The following ALDH3B2 variants were observed in gnomAD, a reference collection of about 807,000 sequenced individuals.
The protein encoded by ALDH3B2 is aldehyde dehydrogenase 3 family member B2.
A neutral mutation model predicts 36.7 loss-of-function variants in ALDH3B2; 45 were observed. That is an observed-to-expected ratio of 1.23 (90% CI 0.97 to 1.57). The LOEUF (loss-of-function observed/expected upper bound fraction) is 1.57, where lower values mean the gene tolerates loss of function less well. Among genes scored for constraint, ALDH3B2 ranks in the 40% most tolerant of loss-of-function variants. The pLI is 0.00. For missense variants in ALDH3B2, 464 were observed against 513.3 expected (o/e 0.90, Z 0.93); for synonymous variants, 217 against 226.5 (o/e 0.96, Z 0.38).
In ALDH3B2 at chr11:67,666,215, A is replaced by C; in HGVS notation, c.238-12T>G. 3 of 1,599,794 alleles carry C rather than the reference A, an allele frequency of 1.9e-6. No individual in the cohort carries two copies. Among genetic ancestry groups the C allele is most frequent in the Non-Finnish European group, 2.6e-6 (3 of 1,175,924 alleles). Reference sequence around the variant, plus strand: ...ACGGCAAAGCAGCTCTGCAAGGTGGAATGAGAGGCTCGGGGCGGGCTCGGG... The same window carrying C: ...ACGGCAAAGCAGCTCTGCAAGGTGGCATGAGAGGCTCGGGGCGGGCTCGGG... On this transcript the variant is annotated splice_polypyrimidine_tract_variant and intron_variant, in intron 5 of 9. Transcript: ENST00000349015.
chr11:67,665,273 A>T lies in ALDH3B2; in HGVS notation c.706+12T>A. 1 of 1,593,266 alleles carries T rather than the reference A, an allele frequency of 6.3e-7. No homozygotes were observed. The highest frequency in any genetic ancestry group is 8.6e-7 in the Non-Finnish European group (1 of 1,168,714). On this transcript the variant is annotated intron_variant, in intron 7 of 9. Coordinates refer to ENST00000349015, the Ensembl canonical transcript of ALDH3B2. ...TGGCCCAGGTGGGCTGCGGTAGGGC[A>T]GCAGGACTCACCGATGTAGCGATCG... is the stretch of plus-strand genomic sequence containing the variant.
chr11:67,674,079 A>T (rs966475984), intron 1 of ALDH3B2, among the ~76,000 whole-genome samples: 13 of 152,066 alleles, frequency 8.5e-5, no homozygotes, highest in African/African-American at 2.9e-4. Flanking sequence ...GGTGCCCCCG[A>T]CCCAATCCTT....
At position 67,668,257 on chromosome 11, in the gene ALDH3B2, GGA is replaced by G. The variant is rs376070345; in HGVS notation, c.-244-624_-244-623del. On this transcript the variant is annotated intron_variant, in intron 1 of 9. Transcript: ENST00000349015. ...GGTCGTAGAAGGAAGCAGAAGCAGA[GGA>G]GAGAGCTCCGGGGCTGGTATGGGTG... Among the ~76,000 whole-genome samples, 1,050 of 152,318 alleles carry G rather than the reference GGA, an allele frequency of 6.9e-3. 11 individuals are homozygous for G. The highest frequency in any genetic ancestry group is 0.024 in the African/African-American group (982 of 41,556).
chr11:67,670,487 G>A (rs1394803310), intron 1 of ALDH3B2, among the ~76,000 whole-genome samples: 1 of 152,112 alleles, frequency 6.6e-6, no homozygotes, highest in Non-Finnish European at 1.5e-5. Flanking sequence ...TGGTGAGCAG[G>A]GCCTTGGCAT....
intron 1 of ALDH3B2, among the ~76,000 whole-genome samples, chr11:67,680,457 C>T (rs893959325): frequency 1.3e-5 from 2 of 152,204 alleles, no homozygotes; most frequent in Non-Finnish European, 2.9e-5. Flanking sequence ...GTATCTATCA[C>T]CCAGGCTGGA....
At chr11:67,664,062 G>A (rs1001296174) in intron 8 of ALDH3B2, among the ~76,000 whole-genome samples, 3 of 152,150 alleles carry the variant, frequency 2.0e-5, no homozygotes, top group African/African-American at 7.2e-5. Context: ...GGGCCCCACC[G>A]CGACCCGCTG....
intron 1 of ALDH3B2, 123 bp from the exon 2 acceptor site, chr11:67,667,758 C>A: frequency 4.7e-6 from 1 of 214,610 alleles, no homozygotes; most frequent in Non-Finnish European, 9.2e-6. Flanking sequence ...CACAGACACC[C>A]CACCTCATAC....
chr11:67,679,672 G>T (rs1432494111), upstream of ALDH3B2, among the ~76,000 whole-genome samples: 1 of 151,584 alleles, frequency 6.6e-6, no homozygotes, highest in Non-Finnish European at 1.5e-5. Context: ...CCAGCTACTT[G>T]GGAAGCTGAG....
intron 6 of ALDH3B2, 85 bp from the exon 7 acceptor site, chr11:67,665,756 G>A: frequency 1.3e-6 from 2 of 1,515,280 alleles, no homozygotes; most frequent in Non-Finnish European, 1.8e-6. Context: ...CCTCCCTGGA[G>A]AGGTGTTGGA....
intron 1 of ALDH3B2, among the ~76,000 whole-genome samples, chr11:67,673,079 C>T (rs1349981165): frequency 3.3e-5 from 5 of 152,054 alleles, no homozygotes; most frequent in South Asian, 2.1e-4. Flanking sequence ...TACAGGTGCC[C>T]GCCACCACAC....
rs564654433 is a variant in ALDH3B2, at chr11:67,667,551, C to T, written c.-160G>A. On this transcript the variant is annotated 5_prime_UTR_variant, in exon 2 of 10. Transcript: ENST00000349015. Reference sequence around the variant, plus strand: ...GGAAGTGGCCCAGGCCCTGGAGCTGCGCAGCCCGGAACTCGGCCGGCCGCG... The same window carrying T: ...GGAAGTGGCCCAGGCCCTGGAGCTGTGCAGCCCGGAACTCGGCCGGCCGCG... 1,097 of 382,206 alleles carry T rather than the reference C, an allele frequency of 2.9e-3. 11 individuals carry two copies. Among genetic ancestry groups the T allele is most frequent in the African/African-American group, 0.021 (1,005 of 46,970 alleles). The allele number at this position is 382,206 out of a possible 1,614,324, so 23.7% of individuals were successfully genotyped here. A position where few individuals can be genotyped will look rare whatever the true frequency, so the allele number is the denominator to read the frequency against.
In ALDH3B2 at chr11:67,663,507, G is replaced by A. The variant is rs1591140260; in HGVS notation, c.974-108C>T. 2.1e-6 allele frequency: 3 copies of A among 1,431,700 alleles called. No homozygotes were observed. In the East Asian group the frequency reaches 7.4e-5, roughly 35 times the overall value. 88.7% of individuals were successfully genotyped at this position (1,431,700 alleles called of 1,614,324 possible). A position where few individuals can be genotyped will look rare whatever the true frequency, so the allele number is the denominator to read the frequency against. On this transcript the variant is annotated intron_variant, in intron 9 of 9. Transcript: ENST00000349015. ...ACAGCTGGCAGGGAGCTCAGAGAGA[G>A]CCAGGCCACTCACAGAGCCATTTTA...
upstream of ALDH3B2, among the ~76,000 whole-genome samples, chr11:67,678,362 A>AGT (rs1336544608): frequency 1.3e-5 from 2 of 152,138 alleles, no homozygotes; most frequent in African/African-American, 4.8e-5. Flanking sequence ...AAAAACATAA[A>AGT]GTGGGGAAAG....
exon 3 of ALDH3B2, chr11:67,666,990 C>T (rs941163695): frequency 2.5e-6 from 4 of 1,606,562 alleles, no homozygotes; most frequent in Non-Finnish European, 3.4e-6. Context: ...AAAGGATGAG[C>T]TCAGATATGT....
exon 10 of ALDH3B2, chr11:67,663,240 C>A (rs148215592): frequency 1.1e-4 from 170 of 1,611,688 alleles, no homozygotes; most frequent in Non-Finnish European, 1.3e-4. Context: ...GCTCTGGGAG[C>A]CCATGCCCCA....
upstream of ALDH3B2, among the ~76,000 whole-genome samples, chr11:67,679,430 C>A (rs1318754634): frequency 6.7e-6 from 1 of 150,342 alleles, no homozygotes; most frequent in African/African-American, 2.5e-5. Flanking sequence ...GAGATCTCAC[C>A]GTAGCACTCC....
intron 1 of ALDH3B2, chr11:67,673,636 A>T (rs1428405201): frequency 1.3e-5 from 2 of 152,362 alleles, no homozygotes; most frequent in Non-Finnish European, 2.9e-5. Context: ...GGCAGTGGCC[A>T]TGCCTGGTGC....
At chr11:67,678,791 G>GTA (rs978539624), upstream of ALDH3B2, among the ~76,000 whole-genome samples, 6 of 104,638 alleles carry the variant, frequency 5.7e-5, no homozygotes, top group East Asian at 2.7e-4. Context: ...ACATACTATG[G>GTA]TATATATATA....
At chr11:67,666,808 T>C in intron 3 of ALDH3B2, 98 bp downstream of exon 3, 3 of 1,609,296 alleles carry the variant, frequency 1.9e-6, no homozygotes, top group Non-Finnish European at 2.5e-6. Flanking sequence ...GACGAGAAAA[T>C]CAGTGACTCG....
Sources: allele counts gnomAD v4.1 joint callset (sites outside exome capture counted in the v4.1 genomes callset), GRCh38; gene constraint gnomAD v4.1.1; transcripts MANE v1.5; gene names NCBI Gene and HGNC (gene_info 2026-07-23, HGNC 2026-07-21).